Variants in NAP1L4 observed in about 807,000 individuals in gnomAD.
The protein encoded by NAP1L4 is nucleosome assembly protein 1 like 4, also known as nucleosome assembly protein 1-like 4.
NAP1L4 carries 15 observed loss-of-function variants against 58.2 expected under a neutral mutation model. That is an observed-to-expected ratio of 0.26 (90% confidence interval 0.17 to 0.40). The LOEUF is 0.40. Ranked by LOEUF, NAP1L4 falls within the 10% of genes least tolerant of loss-of-function variation. The probability of loss-of-function intolerance (pLI) is 1.00; values close to 1 mark genes in which losing one functional copy is unlikely to be tolerated. For missense variants in NAP1L4, 384 were observed against 451.1 expected (o/e 0.85, Z 1.35); for synonymous variants, 171 against 155.6 (o/e 1.10, Z -0.74).
At chr11:2,983,272 C>G (rs1185811307) in intron 1 of NAP1L4, among the ~76,000 whole-genome samples, 1 of 152,178 alleles carries the variant, frequency 6.6e-6, no homozygotes, top group Non-Finnish European at 1.5e-5. Flanking sequence ...AAGAGGTTCA[C>G]CTTCCCATGG....
At chr11:2,957,647 T>C (rs967476395) in intron 10 of NAP1L4, among the ~76,000 whole-genome samples, 4 of 152,228 alleles carry the variant, frequency 2.6e-5, no homozygotes, top group African/African-American at 9.6e-5. Context: ...GGAAATTATA[T>C]GAAAAATCCC....
At chr11:2,964,368 C>T (rs1347622378) in intron 8 of NAP1L4, among the ~76,000 whole-genome samples, 1 of 152,224 alleles carries the variant, frequency 6.6e-6, no homozygotes, top group African/African-American at 2.4e-5. Flanking sequence ...CTGACTCCTG[C>T]ATTGGTGCCC....
chr11:2,966,643 C>T (rs1847301810), intron 7 of NAP1L4, among the ~76,000 whole-genome samples: 1 of 152,160 alleles, frequency 6.6e-6, no homozygotes, highest in South Asian at 2.1e-4. Flanking sequence ...CAAAAAGTAA[C>T]CCAAAGGCAG....
At chr11:2,977,237 G>A (rs7113489) in intron 3 of NAP1L4, among the ~76,000 whole-genome samples, 1 of 152,176 alleles carries the variant, frequency 6.6e-6, no homozygotes, top group South Asian at 2.1e-4. Flanking sequence ...ATATCTACAC[G>A]TGCCTGACAG....
At chr11:2,964,458 A>C (rs1847137142) in intron 8 of NAP1L4, among the ~76,000 whole-genome samples, 1 of 152,194 alleles carries the variant, frequency 6.6e-6, no homozygotes, top group African/African-American at 2.4e-5. Flanking sequence ...CTACAGTGCC[A>C]AGCATGACAC....
chr11:2,990,869 A>C (rs1848921256), intron 1 of NAP1L4: 1 of 324,792 alleles, frequency 3.1e-6, no homozygotes, highest in African/African-American at 2.2e-5. Flanking sequence ...TTAGAGGTAT[A>C]GTTACTATTA....
At position 2,946,802 on chromosome 11, in the gene NAP1L4, A is replaced by T. The variant is rs1845962417; in HGVS notation, c.*33-1156T>A. Among the ~76,000 whole-genome samples, 1 of 152,096 alleles carries T rather than the reference A, an allele frequency of 6.6e-6. No homozygotes were observed. Among genetic ancestry groups the T allele is most frequent in the African/African-American group, 2.4e-5 (1 of 41,402 alleles). The stretch of plus-strand genomic sequence containing the variant: ...CAAGACAAAACGAGGCTGACCAAAA[A>T]CCCTCGCCATGTCAATCTGACATTC... On this transcript the variant is annotated intron_variant, in intron 15 of 15. Coordinates refer to ENST00000380542, the MANE Select transcript of NAP1L4 (RefSeq NM_005969.4). The surrounding 1 kb of genome is among the most constrained non-coding windows in gnomAD (Gnocchi z 4.8).
At chr11:2,982,952 G>A (rs1038724319) in intron 1 of NAP1L4, among the ~76,000 whole-genome samples, 1 of 152,136 alleles carries the variant, frequency 6.6e-6, no homozygotes, top group Non-Finnish European at 1.5e-5. Flanking sequence ...CCCAGGAGGC[G>A]GAGTTTGCAG....
chr11:2,976,638 G>A (rs937523364), intron 3 of NAP1L4, among the ~76,000 whole-genome samples: 1 of 152,124 alleles, frequency 6.6e-6, no homozygotes, highest in African/African-American at 2.4e-5. Context: ...TGTGCTACTC[G>A]CCTCTGCCTT....
rs1210151260 is a variant in NAP1L4, at chr11:2,955,910, T to C, written c.893-144A>G. The C allele has an allele frequency of 5.6e-6, 4 of 718,462 alleles. No individual in the cohort carries two copies. The highest frequency in any genetic ancestry group is 2.7e-5 in the Admixed American group (1 of 37,628). 44.5% of individuals were successfully genotyped at this position (718,462 alleles called of 1,614,324 possible). On this transcript the variant is annotated intron_variant, in intron 10 of 15. Coordinates refer to ENST00000380542, the MANE Select transcript of NAP1L4 (RefSeq NM_005969.4). The surrounding 1 kb of genome is among the most constrained non-coding windows in gnomAD (Gnocchi z 4.2). ...TAACAGAAATCCCCAAAGCCTTGCA[T>C]CTCCTCACAGACATCTTTGCAAGCT...
At chr11:2,986,626 ATTT>A (rs66494210) in intron 1 of NAP1L4, among the ~76,000 whole-genome samples, 2 of 139,720 alleles carry the variant, frequency 1.4e-5, no homozygotes, top group African/African-American at 2.7e-5. Context: ...ATGGTAGTAA[ATTT>A]TTTTTTTTTT....
chr11:2,979,686 C>T (rs1848187978), intron 1 of NAP1L4, among the ~76,000 whole-genome samples: 1 of 151,972 alleles, frequency 6.6e-6, no homozygotes, highest in Non-Finnish European at 1.5e-5. Flanking sequence ...GCAGAAGAAT[C>T]ACTTGAACCC....
At chr11:2,960,326 G>C (rs925833337) in intron 8 of NAP1L4, among the ~76,000 whole-genome samples, 12 of 152,180 alleles carry the variant, frequency 7.9e-5, no homozygotes, top group Admixed American at 2.6e-4. Flanking sequence ...GCTGGGGGAA[G>C]CCAGGGTCTC....
chr11:2,982,737 G>A (rs1034867810), intron 1 of NAP1L4, among the ~76,000 whole-genome samples: 2 of 152,148 alleles, frequency 1.3e-5, no homozygotes, highest in Non-Finnish European at 2.9e-5. Context: ...TTCTGTTGCT[G>A]CTAGGCTGGG....
Position 2,971,554 on chromosome 11 carries a change from T to C in NAP1L4, c.316-20A>G. The C allele has an allele frequency of 6.3e-7, 1 of 1,597,644 alleles. No homozygotes were observed. ...TCTTCTCTACATAAAAATGAGACCT[T>C]ATTAGAATTATGTTATTAGCTTACT... is the stretch of plus-strand genomic sequence containing the variant. On this transcript the variant is annotated intron_variant, in intron 5 of 15. Transcript: ENST00000380542. The surrounding 1 kb of genome is among the most constrained non-coding windows in gnomAD (Gnocchi z 4.2).
chr11:2,976,715 G>C (rs1018920448), intron 3 of NAP1L4, among the ~76,000 whole-genome samples: 6 of 152,162 alleles, frequency 3.9e-5, no homozygotes, highest in Non-Finnish European at 5.9e-5. Flanking sequence ...CCCACTTAGG[G>C]CTAACCTACA....
rs375368938 is a variant in NAP1L4 at position 2,978,301 on chromosome 11, T to G, written c.56A>C (p.Lys19Thr). The G allele has an allele frequency of 6.4e-5, 104 of 1,613,992 alleles. No individual in the cohort carries two copies. Among genetic ancestry groups the G allele is most frequent in the Non-Finnish European group, 8.2e-5 (97 of 1,179,988 alleles). ...GVPSDSVEAAKNASNTEKLTD... is the reference protein window; with the variant it reads ...GVPSDSVEAATNASNTEKLTD... ...GGACTGACCTGTGTTACTTGCATTT[T>G]TAGCAGCTTCCACGGAATCTGAAGG... is the stretch of plus-strand genomic sequence containing the variant. The change falls in exon 3 of 16, where the codon AAA becomes ACA. Residue 19 changes from lysine to threonine, a missense_variant. Around this residue, in one of 3 missense-constraint regions of NAP1L4, gnomAD observed 84 missense variants for 73.7 expected, o/e 1.14. Coordinates refer to ENST00000380542, the MANE Select transcript of NAP1L4 (RefSeq NM_005969.4).
At chr11:2,991,382 T>G in intron 1 of NAP1L4, 1 of 243,390 alleles carries the variant, frequency 4.1e-6, no homozygotes, top group Non-Finnish European at 8.7e-6. Flanking sequence ...TGTGACCTCT[T>G]CCACCATCTC....
intron 12 of NAP1L4, among the ~76,000 whole-genome samples, chr11:2,953,689 C>T (rs1215010185): frequency 1.3e-5 from 2 of 152,228 alleles, no homozygotes; most frequent in Non-Finnish European, 2.9e-5. Context: ...CTATTCTCCC[C>T]ACTGGTGGAA....
Sources: allele counts gnomAD v4.1 joint callset (sites outside exome capture counted in the v4.1 genomes callset), GRCh38; gene constraint gnomAD v4.1.1; regional missense constraint gnomAD v4.1.1; non-coding constraint Gnocchi (gnomAD v3.1); transcripts MANE v1.5; gene names NCBI Gene and HGNC (gene_info 2026-07-23, HGNC 2026-07-21).